GRIA3: variants seen among roughly 807,000 people sequenced by gnomAD.
GRIA3 encodes the protein glutamate ionotropic receptor AMPA type subunit 3.
GRIA3 carries 3 observed loss-of-function variants against 63.0 expected under a neutral mutation model. The observed-to-expected ratio is 0.05, with a 90% confidence interval of 0.02 to 0.12. The LOEUF (loss-of-function observed/expected upper bound fraction) is 0.12, where lower values mean the gene tolerates loss of function less well. Ranked by LOEUF, GRIA3 falls within the 10% of genes least tolerant of loss-of-function variation. The pLI, the probability that GRIA3 is intolerant of heterozygous loss-of-function variation, is 1.00. For missense variants in GRIA3, 347 were observed against 700.9 expected, an observed-to-expected ratio of 0.50 and a Z score of 5.70; for synonymous variants, 274 against 257.9, an observed-to-expected ratio of 1.06 and a Z score of -0.60.
intron 2 of GRIA3, among the ~76,000 whole-genome samples, chrX:123,238,067 T>A (rs1413952155): frequency 8.9e-6 from 1 of 112,034 alleles, no homozygotes; most frequent in African/African-American, 3.2e-5. Flanking sequence ...CAGGTGGCCT[T>A]AAATACCAGA....
rs756731536 is a variant in GRIA3, at chrX:123,399,017, AAG to A, written c.1080+218_1080+219del. Among the ~76,000 whole-genome samples, 227 of 111,620 alleles carry A rather than the reference AAG, an allele frequency of 2.0e-3. 1 individual carries two copies. Among genetic ancestry groups the A allele is most frequent in the Non-Finnish European group, 2.8e-3 (150 of 53,124 alleles). On this transcript the variant is annotated intron_variant, in intron 7 of 15. Transcript: ENST00000620443. Reference sequence around the variant, plus strand: ...GTCATTTCTTGAAGCTTGAAAAAAAAAGAGATAAATTTAGGGCAAATGAATTT... The same window carrying A: ...GTCATTTCTTGAAGCTTGAAAAAAAAAGATAAATTTAGGGCAAATGAATTT...
intron 4 of GRIA3, among the ~76,000 whole-genome samples, chrX:123,350,012 T>TA (rs199784941): frequency 4.5e-5 from 5 of 110,582 alleles, no homozygotes; most frequent in Admixed American, 9.7e-5. Context: ...AGTATCTTTT[T>TA]AAAAAAAAAT....
chrX:123,425,791 C>A (rs12011562), intron 11 of GRIA3, among the ~76,000 whole-genome samples: 2,780 of 111,296 alleles, frequency 0.025, 96 homozygotes, highest in African/African-American at 0.084. Flanking sequence ...GAAATAAATA[C>A]GGGTTGTCTC....
At chrX:123,381,098 C>G (rs1490379105) in intron 5 of GRIA3, among the ~76,000 whole-genome samples, 1 of 111,722 alleles carries the variant, frequency 9.0e-6, no homozygotes, top group African/African-American at 3.3e-5. Flanking sequence ...TCTGAACTTC[C>G]ATCCATCTAT....
At position 123,186,161 on chromosome X, in the gene GRIA3, T is replaced by A. The variant is rs73229252; in HGVS notation, c.268+171T>A. Among the ~76,000 whole-genome samples the A allele has an allele frequency of 0.031, 3,477 of 111,523 alleles. 49 individuals carry two copies. Among genetic ancestry groups the A allele is most frequent in the Non-Finnish European group, 0.045 (2,409 of 53,068 alleles). ...ATAAATCAACTCCAAATGATACTGC[T>A]GAGGGGCTTAAGACAGTGGGAAAAA... On this transcript the variant is annotated intron_variant, in intron 2 of 15. Coordinates refer to ENST00000620443, the MANE Select transcript of GRIA3 (RefSeq NM_007325.5).
At chrX:123,342,821 A>C (rs1411815247) in intron 4 of GRIA3, among the ~76,000 whole-genome samples, 1 of 111,725 alleles carries the variant, frequency 9.0e-6, no homozygotes, top group African/African-American at 3.3e-5. Flanking sequence ...AGAATTTCCA[A>C]AGTTTCGGGC....
intron 12 of GRIA3, among the ~76,000 whole-genome samples, chrX:123,460,357 T>C (rs1437802585): frequency 9.0e-6 from 1 of 111,425 alleles, no homozygotes; most frequent in Non-Finnish European, 1.9e-5. Context: ...TCAGGTCTGG[T>C]TGGGCCAAGA....
At chrX:123,441,228 C>T (rs1375881208) in intron 12 of GRIA3, among the ~76,000 whole-genome samples, 1 of 111,881 alleles carries the variant, frequency 8.9e-6, no homozygotes, top group Non-Finnish European at 1.9e-5. Context: ...CACATTAAAC[C>T]ATGGCCACTA....
At chrX:123,463,572 AAG>A (rs2045806344) in intron 12 of GRIA3, among the ~76,000 whole-genome samples, 1 of 31,450 alleles carries the variant, frequency 3.2e-5, no homozygotes, top group Non-Finnish European at 5.0e-5. Flanking sequence ...GGAAGGAAGG[AAG>A]GAAGGGAGGG....
At chrX:123,455,254 C>T (rs1174367112) in intron 12 of GRIA3, among the ~76,000 whole-genome samples, 1 of 111,759 alleles carries the variant, frequency 8.9e-6, no homozygotes, top group African/African-American at 3.3e-5. Context: ...ATGACAGCTG[C>T]TGATTGTCTG....
chrX:123,360,855 TCA>T (rs10548566), intron 5 of GRIA3, among the ~76,000 whole-genome samples: 5,227 of 46,307 alleles, frequency 0.11, 361 homozygotes, highest in Non-Finnish European at 0.16. Context: ...TCTCTCTCTC[TCA>T]CACACACACA....
intron 12 of GRIA3, among the ~76,000 whole-genome samples, chrX:123,459,484 G>C (rs2045781185): frequency 1.8e-5 from 2 of 112,046 alleles, no homozygotes; most frequent in Admixed American, 1.9e-4. Context: ...AGCTACAACT[G>C]TTGAATCCAT....
At chrX:123,298,470 C>T (rs1338112715) in intron 3 of GRIA3, among the ~76,000 whole-genome samples, 1 of 111,726 alleles carries the variant, frequency 9.0e-6, no homozygotes, top group African/African-American at 3.3e-5. Context: ...ATTTACATTT[C>T]TCTAATGATC....
intron 2 of GRIA3, among the ~76,000 whole-genome samples, chrX:123,223,882 T>C (rs1276389516): frequency 8.9e-6 from 1 of 112,554 alleles, no homozygotes; most frequent in African/African-American, 3.2e-5. Context: ...TGCTTTGTTG[T>C]AGACCCTTGG....
Position 123,220,207 on chromosome X carries a change from G to A in GRIA3, c.269-33096G>A, listed in dbSNP as rs4486330. On this transcript the variant is annotated intron_variant, in intron 2 of 15. Transcript: ENST00000620443. ...CCTCATGCTTCCAGTGCTGAGTTTAGAACAAAAGCCTCTATTCAAGGTCAT... is the reference window on the plus strand; with the variant it reads ...CCTCATGCTTCCAGTGCTGAGTTTAAAACAAAAGCCTCTATTCAAGGTCAT... Among the ~76,000 whole-genome samples the A allele has an allele frequency of 2.7e-5, 3 of 112,148 alleles. No individual in the cohort carries two copies. In the South Asian group the frequency reaches 1.1e-3, roughly 43 times the overall value.
intron 5 of GRIA3, among the ~76,000 whole-genome samples, chrX:123,376,070 T>C (rs1193538914): frequency 8.9e-6 from 1 of 111,801 alleles, no homozygotes; most frequent in Non-Finnish European, 1.9e-5. Context: ...AATGGTCTCC[T>C]AATATTAACA....
At chrX:123,253,027 G>A (rs2044399636) in intron 2 of GRIA3, among the ~76,000 whole-genome samples, 2 of 111,631 alleles carry the variant, frequency 1.8e-5, no homozygotes, top group Admixed American at 9.5e-5. Context: ...GAGATGAGCC[G>A]GGAGGGTTTT....
chrX:123,195,054 T>G, intron 2 of GRIA3, among the ~76,000 whole-genome samples: 1 of 113,192 alleles, frequency 8.8e-6, no homozygotes, highest in East Asian at 2.8e-4. Flanking sequence ...TTTCTTTGCT[T>G]ATTAGCTAAT....
chrX:123,218,330 G>T (rs1010918899), intron 2 of GRIA3, among the ~76,000 whole-genome samples: 1 of 112,160 alleles, frequency 8.9e-6, no homozygotes, highest in African/African-American at 3.2e-5. Flanking sequence ...CTTGCGATGG[G>T]TCTGACTTCC....
Sources: allele counts gnomAD v4.1 joint callset (sites outside exome capture counted in the v4.1 genomes callset), GRCh38; gene constraint gnomAD v4.1.1; transcripts MANE v1.5; gene names NCBI Gene and HGNC (gene_info 2026-07-23, HGNC 2026-07-21).